The following ASH1L variants were observed in gnomAD, a reference collection of about 807,000 sequenced individuals.
ASH1L encodes ASH1 like histone lysine methyltransferase.
A neutral mutation model predicts 269.0 loss-of-function variants in ASH1L; 23 were observed. The observed-to-expected ratio is 0.09, with a 90% CI of 0.06 to 0.12. The LOEUF is 0.12. ASH1L is among the 10% of genes least tolerant of loss of function. The pLI, the probability that ASH1L is intolerant of heterozygous loss-of-function variation, is 1.00. For missense variants in ASH1L, 2,912 were observed against 3,567.8 expected, an observed-to-expected ratio of 0.82 and a Z score of 4.68; for synonymous variants, 1,187 against 1,253.5, an observed-to-expected ratio of 0.95 and a Z score of 1.12.
At chr1:155,428,143 G>T (rs1558093250) in intron 5 of ASH1L, among the ~76,000 whole-genome samples, 2 of 152,116 alleles carry the variant, frequency 1.3e-5, no homozygotes, top group East Asian at 3.9e-4. Context: ...GAACAAATTA[G>T]TATAATGCCT....
At chr1:155,341,848 A>G (rs1652850209) in intron 25 of ASH1L, 88 bp downstream of exon 25, 1 of 1,382,886 alleles carries the variant, frequency 7.2e-7, no homozygotes, top group Non-Finnish European at 1.0e-6. Flanking sequence ...GAAGAAGCAG[A>G]GAACTACGTG....
chr1:155,418,573 C>G (rs566014279), intron 5 of ASH1L, among the ~76,000 whole-genome samples: 5 of 152,072 alleles, frequency 3.3e-5, no homozygotes, highest in African/African-American at 1.2e-4. Context: ...ACAACAAAAA[C>G]CAGATATACA....
rs907179092 is a variant in ASH1L at position 155,343,184 on chromosome 1, T to C, written c.8293+130A>G. ...GCTACAGAGGCAGAGTTTTGCCACGTTGGCCAGGCTGGTCTCACACTCCTG... is the reference window on the plus strand; with the variant it reads ...GCTACAGAGGCAGAGTTTTGCCACGCTGGCCAGGCTGGTCTCACACTCCTG... On this transcript the variant is annotated intron_variant, in intron 24 of 27. Transcript: ENST00000392403. This position sits in a 1 kb window ranked among gnomAD's most constrained non-coding sequence, Gnocchi z 6.1. 3.3e-5 allele frequency: 32 copies of C among 972,148 alleles called. No homozygotes were observed. In the African/African-American group the frequency reaches 4.2e-4, roughly 13 times the overall value. 60.2% of individuals were successfully genotyped at this position (972,148 alleles called of 1,614,324 possible). A position where few individuals can be genotyped will look rare whatever the true frequency, so the allele number is the denominator to read the frequency against.
intron 20 of ASH1L, among the ~76,000 whole-genome samples, chr1:155,346,910 G>A (rs1431852112): frequency 6.6e-6 from 1 of 152,138 alleles, no homozygotes; most frequent in Admixed American, 6.6e-5. Flanking sequence ...ATATTAGTGG[G>A]GACACTAAGG....
Position 155,512,009 on chromosome 1 carries a change from T to C in ASH1L, c.420+9091A>G, listed in dbSNP as rs567380111. ...GTATTTTTAGTAGAGACAGGGTTTC[T>C]CCATGTTGGTCAGGCTGGTCTCGAA... On this transcript the variant is annotated intron_variant, in intron 2 of 27. Transcript: ENST00000392403. Among the ~76,000 whole-genome samples, 6 of 151,886 alleles carry C rather than the reference T, an allele frequency of 4.0e-5. No homozygotes were observed. The East Asian group carries it at 1.2e-3, about 30-fold the overall frequency.
chr1:155,401,951 G>A (rs1571112403), intron 6 of ASH1L, among the ~76,000 whole-genome samples: 1 of 152,156 alleles, frequency 6.6e-6, no homozygotes, highest in Admixed American at 6.6e-5. Context: ...TTAGCTGGGC[G>A]TGGTGGCAGG....
chr1:155,443,264 C>A (rs182268596), intron 4 of ASH1L, among the ~76,000 whole-genome samples: 1 of 152,316 alleles, frequency 6.6e-6, no homozygotes, highest in East Asian at 1.9e-4. Context: ...AATGGGTACA[C>A]ACTTTTGAAG....
upstream of ASH1L, chr1:155,563,181 G>C (rs1379029329): frequency 2.2e-6 from 1 of 456,530 alleles, no homozygotes; most frequent in East Asian, 7.0e-5. Context: ...TCTGCCCACC[G>C]GTGGTTGGAG....
Position 155,378,485 on chromosome 1 carries a change from A to G in ASH1L, c.6223+18T>C. On this transcript the variant is annotated intron_variant, in intron 9 of 27. Transcript: ENST00000392403. ...ATTAACGTATAGAGGCAGAAAAAAT[A>G]GCTCCTAAGTTACTCACTTGAACGA... is the stretch of plus-strand genomic sequence containing the variant. The G allele has an allele frequency of 6.2e-7, 1 of 1,613,328 alleles. No individual in the cohort carries two copies. Among genetic ancestry groups the G allele is most frequent in the Non-Finnish European group, 8.5e-7 (1 of 1,179,448 alleles).
At chr1:155,472,747 G>A (rs1049364739) in intron 3 of ASH1L, among the ~76,000 whole-genome samples, 21 of 152,316 alleles carry the variant, frequency 1.4e-4, no homozygotes, top group South Asian at 6.2e-4. Flanking sequence ...CAGATGTTCT[G>A]ATTTTTCTGA....
At chr1:155,359,159 G>A (rs962231159) in intron 13 of ASH1L, among the ~76,000 whole-genome samples, 14 of 152,102 alleles carry the variant, frequency 9.2e-5, no homozygotes, top group Admixed American at 3.9e-4. Context: ...AAGGGGTCCC[G>A]TTCTGTGGCC....
Position 155,378,522 on chromosome 1 carries a change from T to C in ASH1L, c.6204A>G (p.Leu2068=). The change falls in exon 9 of 28, where the codon CTA becomes CTG. Residue 2068 remains leucine, a synonymous_variant. Coordinates refer to ENST00000392403, the MANE Select transcript of ASH1L (RefSeq NM_018489.3). ...ACTCACTTGAACGAATTTTCTTATA[T>C]AGTGGGACATCTGGCTTTTTGTATA... The part of the protein sequence containing the change: ...NQLYKKPDVP[L]YKKIRSNVYV... 6.2e-7 allele frequency: 1 copy of C among 1,613,388 alleles called. No individual in the cohort carries two copies. The highest frequency in any genetic ancestry group is 8.5e-7 in the Non-Finnish European group (1 of 1,179,750).
chr1:155,415,644 T>A, intron 6 of ASH1L, 100 bp downstream of exon 6: 1 of 1,382,412 alleles, frequency 7.2e-7, no homozygotes, highest in Non-Finnish European at 1.0e-6. Context: ...ATCATCACGC[T>A]TATGAAACAC....
intron 2 of ASH1L, among the ~76,000 whole-genome samples, chr1:155,501,696 C>T (rs777314182): frequency 2.6e-5 from 4 of 152,132 alleles, no homozygotes; most frequent in Non-Finnish European, 4.4e-5. Context: ...CAGAGTCTCG[C>T]TCTGTCACCA....
chr1:155,453,402 T>A (rs1327418046), intron 4 of ASH1L, among the ~76,000 whole-genome samples: 1 of 152,198 alleles, frequency 6.6e-6, no homozygotes, highest in African/African-American at 2.4e-5. Flanking sequence ...TCTTTTTTTA[T>A]GCTTTACCAC....
rs1300139089 is a variant in ASH1L, at chr1:155,415,920, A to G, written c.5832T>C (p.Phe1944=). ...EEEEQENNKS[F]NEAPVEIPSP... is the part of the protein sequence containing the mutation. ...TGGGAATCTCAACTGGTGCTTCATT[A>G]AAGCTAGAAAGAGAAGTTTAAAGAT... Residue 1944 remains phenylalanine (F), a synonymous_variant, in exon 6 of 28, where the codon TTT becomes TTC. Coordinates refer to ENST00000392403, the MANE Select transcript of ASH1L (RefSeq NM_018489.3). 5.2e-6 allele frequency: 8 copies of G among 1,526,584 alleles called. No individual in the cohort carries two copies. Among genetic ancestry groups the G allele is most frequent in the South Asian group, 1.3e-5 (1 of 75,918 alleles). The allele number at this position is 1,526,584 out of a possible 1,614,324, so 94.6% of individuals were successfully genotyped here.
rs149023559 is a variant in ASH1L at position 155,552,812 on chromosome 1, C to T, written c.-100+9341G>A. ...ATATACACTTCAAAAGTGTATTTTA[C>T]ATATTCTTACCTATGAGGGAAGTAA... On this transcript the variant is annotated intron_variant, in intron 1 of 27. Transcript: ENST00000392403. Among the ~76,000 whole-genome samples, 44 of 152,238 alleles carry T rather than the reference C, an allele frequency of 2.9e-4. 1 individual carries two copies. In the South Asian group the frequency reaches 5.0e-3, roughly 17 times the overall value.
At chr1:155,341,044 T>C (rs1339895695) in intron 25 of ASH1L, among the ~76,000 whole-genome samples, 2 of 152,176 alleles carry the variant, frequency 1.3e-5, no homozygotes, top group Non-Finnish European at 2.9e-5. Context: ...CGATCTTGGC[T>C]CACTGCAATC....
intron 7 of ASH1L, among the ~76,000 whole-genome samples, chr1:155,393,591 G>A (rs1349675764): frequency 6.9e-6 from 1 of 144,070 alleles, no homozygotes; most frequent in Admixed American, 7.2e-5. Flanking sequence ...GTCTCACTCT[G>A]TCGTCCAGGC....
Sources: gnomAD v4.1 joint callset for allele counts (sites outside exome capture counted in the v4.1 genomes callset) on GRCh38, gnomAD v4.1.1 for gene constraint, Gnocchi (gnomAD v3.1) non-coding constraint, MANE v1.5 for transcripts, NCBI Gene and HGNC (gene_info 2026-07-23, HGNC 2026-07-21) for gene names.